Variants in POLR3B observed in about 807,000 individuals in gnomAD.
The protein encoded by POLR3B is DNA-directed RNA polymerase III subunit RPC2.
In POLR3B, 96 loss-of-function variants were observed where a neutral mutation model predicts 147.4. The observed-to-expected ratio is 0.65, with a 90% CI of 0.55 to 0.77. The LOEUF is 0.77. Among genes scored for constraint, POLR3B ranks in the 30% least tolerant of loss-of-function variants. The pLI, the probability that POLR3B is intolerant of heterozygous loss-of-function variation, is 0.00. For missense variants in POLR3B, 1,036 were observed against 1,413.5 expected (o/e 0.73, Z 4.28); for synonymous variants, 461 against 485.9 (o/e 0.95, Z 0.67).
intron 18 of POLR3B, among the ~76,000 whole-genome samples, chr12:106,439,134 G>C (rs2037616844): frequency 6.6e-6 from 1 of 152,120 alleles, no homozygotes; most frequent in Non-Finnish European, 1.5e-5. Context: ...CAGTGCTTTG[G>C]GAGACTGAGG....
chr12:106,369,590 T>G lies in POLR3B; in HGVS notation c.311T>G (p.Leu104Trp), dbSNP rs1171054363. 1.9e-6 allele frequency: 3 copies of G among 1,607,830 alleles called. No individual in the cohort carries two copies. The highest frequency in any genetic ancestry group is 3.3e-5 in the Admixed American group (2 of 59,984). ...TTCCTGATTCTCTTTCAGTGCCGTT[T>G]GAGAGACATGACATACTCTGCCCCT... is the stretch of plus-strand genomic sequence containing the variant. ...TRPVSPHECR[L>W]RDMTYSAPIT... Residue 104 changes from leucine (L) to tryptophan (W), a missense_variant, in exon 6 of 28, where the codon TTG becomes TGG. Leu to Trp is a moderately conservative substitution (Grantham distance 61, BLOSUM62 -2). This residue lies in a region of POLR3B where 150 missense variants were observed against 145.5 expected (regional missense o/e 1.03). Coordinates refer to ENST00000228347, the MANE Select transcript of POLR3B (RefSeq NM_018082.6).
chr12:106,467,048 G>C (rs535637945), intron 23 of POLR3B, among the ~76,000 whole-genome samples: 1 of 152,272 alleles, frequency 6.6e-6, no homozygotes, highest in East Asian at 1.9e-4. Context: ...TTGGCAGTAA[G>C]ACCATTTTCC....
chr12:106,399,852 G>A (rs1442672205), intron 10 of POLR3B, among the ~76,000 whole-genome samples: 3 of 151,984 alleles, frequency 2.0e-5, no homozygotes, highest in African/African-American at 7.2e-5. Context: ...AGGAACAACC[G>A]GTAACTGGTA....
At chr12:106,509,334 C>A in intron 27 of POLR3B, 86 bp from the exon 28 acceptor site, 4 of 1,345,006 alleles carry the variant, frequency 3.0e-6, no homozygotes, top group Non-Finnish European at 4.3e-6. Flanking sequence ...GATAATAGAA[C>A]TTTATAGAGA....
intron 13 of POLR3B, among the ~76,000 whole-genome samples, chr12:106,429,746 G>A (rs926295656): frequency 6.6e-6 from 1 of 152,018 alleles, no homozygotes; most frequent in Admixed American, 6.6e-5. Flanking sequence ...TAATTAAGAA[G>A]CCTTCAGTTT....
chr12:106,395,594 G>A (rs916282496), intron 10 of POLR3B, among the ~76,000 whole-genome samples: 3 of 152,102 alleles, frequency 2.0e-5, no homozygotes, highest in Admixed American at 1.3e-4. Flanking sequence ...GGTTTGGTAG[G>A]GACACAGATC....
chr12:106,396,890 G>A (rs948097622), intron 10 of POLR3B, among the ~76,000 whole-genome samples: 61 of 152,220 alleles, frequency 4.0e-4, no homozygotes, highest in African/African-American at 1.4e-3. Flanking sequence ...CCAAGAGTTG[G>A]AGACCAGCCT....
intron 23 of POLR3B, among the ~76,000 whole-genome samples, chr12:106,477,942 T>TC (rs1201258135): frequency 8.2e-6 from 1 of 121,288 alleles, no homozygotes; most frequent in Admixed American, 9.9e-5. Context: ...CCTCACTCTG[T>TC]CACCCAGGCT....
At chr12:106,439,323 G>A (rs2037618877) in intron 18 of POLR3B, among the ~76,000 whole-genome samples, 1 of 152,154 alleles carries the variant, frequency 6.6e-6, no homozygotes, top group Non-Finnish European at 1.5e-5. Context: ...GTTACACTGA[G>A]CTATGATTGT....
chr12:106,411,576 T>C (rs1388217234), intron 12 of POLR3B, among the ~76,000 whole-genome samples: 1 of 152,216 alleles, frequency 6.6e-6, no homozygotes, highest in Non-Finnish European at 1.5e-5. Context: ...AAACACCTAT[T>C]ATGTTCTAGG....
At chr12:106,415,185 A>G (rs2037285076) in intron 12 of POLR3B, among the ~76,000 whole-genome samples, 1 of 152,168 alleles carries the variant, frequency 6.6e-6, no homozygotes, top group East Asian at 1.9e-4. Flanking sequence ...AACTCCATTC[A>G]TCTTCCACAG....
chr12:106,399,731 T>A (rs1221738932), intron 10 of POLR3B, among the ~76,000 whole-genome samples: 1 of 152,074 alleles, frequency 6.6e-6, no homozygotes, highest in Non-Finnish European at 1.5e-5. Flanking sequence ...CAAACTAAGC[T>A]TCATAAGTGA....
intron 14 of POLR3B, 61 bp downstream of exon 14, chr12:106,430,534 G>A (rs1323313085): frequency 2.9e-6 from 4 of 1,360,794 alleles, no homozygotes; most frequent in African/African-American, 1.4e-5. Context: ...TGTGCATGGG[G>A]TGGGGTGGGG....
chr12:106,490,032 C>T (rs1048396073), intron 23 of POLR3B, among the ~76,000 whole-genome samples: 2 of 152,162 alleles, frequency 1.3e-5, no homozygotes, highest in East Asian at 1.9e-4. Flanking sequence ...AGGGTTTCTT[C>T]GTCCACACAG....
intron 19 of POLR3B, among the ~76,000 whole-genome samples, chr12:106,453,599 C>G (rs1358621879): frequency 6.6e-6 from 1 of 152,114 alleles, no homozygotes; most frequent in African/African-American, 2.4e-5. Flanking sequence ...CACTCAAGCT[C>G]AGCAGTAGAG....
Position 106,387,666 on chromosome 12 carries a change from C to T in POLR3B, c.724-5365C>T, listed in dbSNP as rs1411792174. Among the ~76,000 whole-genome samples the T allele has an allele frequency of 2.0e-5, 3 of 152,146 alleles. No individual in the cohort carries two copies. The East Asian group carries it at 5.8e-4, about 29-fold the overall frequency. ...ATTTGTTTGATAACCACTATTTAGACTTTTCCATCTGGGAGGCAGCATAGA... is the reference window on the plus strand; with the variant it reads ...ATTTGTTTGATAACCACTATTTAGATTTTTCCATCTGGGAGGCAGCATAGA... On this transcript the variant is annotated intron_variant, in intron 9 of 27. Coordinates refer to ENST00000228347, the MANE Select transcript of POLR3B (RefSeq NM_018082.6).
chr12:106,446,637 T>G (rs2037729167), intron 19 of POLR3B, among the ~76,000 whole-genome samples: 1 of 152,202 alleles, frequency 6.6e-6, no homozygotes, highest in Non-Finnish European at 1.5e-5. Context: ...CTGAGGTTGG[T>G]GTATTCAGCT....
At chr12:106,409,359 TTTTTTTTTTTTTC>T (rs1565887623) in intron 11 of POLR3B, among the ~76,000 whole-genome samples, 2 of 145,086 alleles carry the variant, frequency 1.4e-5, no homozygotes, top group African/African-American at 5.2e-5. Context: ...TTTTTTGTTT[TTTTTTTTTTTTTC>T]TTGAGGATGG....
At chr12:106,362,238 G>T (rs762005300) in intron 1 of POLR3B, among the ~76,000 whole-genome samples, 5 of 152,110 alleles carry the variant, frequency 3.3e-5, no homozygotes, top group African/African-American at 1.2e-4. Flanking sequence ...TGTCTGTGGC[G>T]GAAGGGTTAG....
Sources: allele counts gnomAD v4.1 joint callset (sites outside exome capture counted in the v4.1 genomes callset), GRCh38; gene constraint gnomAD v4.1.1; regional missense constraint gnomAD v4.1.1; transcripts MANE v1.5; gene names NCBI Gene and HGNC (gene_info 2026-07-23, HGNC 2026-07-21).